The following GPC6 variants were observed in gnomAD, a reference collection of about 807,000 sequenced individuals.
GPC6 encodes glypican 6.
In GPC6, 14 loss-of-function variants were observed where a neutral mutation model predicts 55.2. That is an observed-to-expected ratio of 0.25 (90% confidence interval 0.17 to 0.40). The LOEUF (loss-of-function observed/expected upper bound fraction) is 0.40, where lower values mean the gene tolerates loss of function less well. Among genes scored for constraint, GPC6 ranks in the 10% least tolerant of loss-of-function variants. GPC6 has a pLI of 1.00. For missense variants in GPC6, 641 were observed against 708.5 expected (o/e 0.90, Z 1.08); for synonymous variants, 278 against 259.6 (o/e 1.07, Z -0.68).
chr13:94,341,647 A>G (rs1469272738), intron 6 of GPC6, among the ~76,000 whole-genome samples: 2 of 152,134 alleles, frequency 1.3e-5, no homozygotes, highest in East Asian at 1.9e-4. Context: ...TGAACCTTAA[A>G]TTTTTATTGG....
intron 2 of GPC6, among the ~76,000 whole-genome samples, chr13:93,546,967 A>G (rs1240857879): frequency 8.1e-6 from 1 of 124,210 alleles, no homozygotes; most frequent in African/African-American, 2.5e-5. Flanking sequence ...ATATTCTTTA[A>G]CAAAAAAATA....
chr13:94,313,142 C>T (rs1040609515), intron 6 of GPC6, among the ~76,000 whole-genome samples: 2 of 152,172 alleles, frequency 1.3e-5, no homozygotes, highest in African/African-American at 4.8e-5. Context: ...TGCTCTTCTC[C>T]GGGCAACATC....
chr13:93,370,901 G>A (rs72639050), intron 1 of GPC6, among the ~76,000 whole-genome samples: 6,161 of 152,186 alleles, frequency 0.04, 170 homozygotes, highest in Non-Finnish European at 0.057. Context: ...TGTTTATATA[G>A]ACCAATGACA....
intron 3 of GPC6, among the ~76,000 whole-genome samples, chr13:93,896,413 A>C (rs1008428774): frequency 1.3e-5 from 2 of 152,048 alleles, no homozygotes; most frequent in African/African-American, 4.8e-5. Flanking sequence ...TTAACCTCCA[A>C]AATTCTTTTA....
chr13:94,003,725 C>A lies in GPC6; in HGVS notation c.712-24004C>A, dbSNP rs74109188. 4.7e-3 allele frequency among the ~76,000 whole-genome samples: 718 copies of A among 152,128 alleles called. 7 individuals are homozygous for A. Among genetic ancestry groups the A allele is most frequent in the African/African-American group, 0.015 (620 of 41,528 alleles). On this transcript the variant is annotated intron_variant, in intron 3 of 8. Coordinates refer to ENST00000377047, the MANE Select transcript of GPC6 (RefSeq NM_005708.5). ...CCACTTTACTATTGATTGTATAGGT[C>A]GAGTGTGGAGTAAAAGTTCAATCAG...
chr13:93,471,731 G>C (rs1440044916), intron 1 of GPC6, among the ~76,000 whole-genome samples: 3 of 152,118 alleles, frequency 2.0e-5, no homozygotes, highest in African/African-American at 7.2e-5. Flanking sequence ...TTCAGTTACA[G>C]AGAACACGCT....
chr13:93,381,506 T>C (rs955043986), intron 1 of GPC6, among the ~76,000 whole-genome samples: 8 of 152,156 alleles, frequency 5.3e-5, no homozygotes, highest in African/African-American at 1.9e-4. Flanking sequence ...CATATTCAGG[T>C]CTCTGAAATA....
At chr13:94,238,322 G>T (rs565854591) in intron 4 of GPC6, among the ~76,000 whole-genome samples, 1 of 152,126 alleles carries the variant, frequency 6.6e-6, no homozygotes, top group South Asian at 2.1e-4. Flanking sequence ...CCCTCAGAGA[G>T]CCTATAGCTA....
intron 1 of GPC6, among the ~76,000 whole-genome samples, chr13:93,510,091 A>G (rs1473931674): frequency 6.6e-6 from 1 of 152,142 alleles, no homozygotes; most frequent in African/African-American, 2.4e-5. Flanking sequence ...CTGTCTCTCT[A>G]ATATTTTATG....
At chr13:94,002,692 G>GA (rs1280484130) in intron 3 of GPC6, among the ~76,000 whole-genome samples, 2 of 151,770 alleles carry the variant, frequency 1.3e-5, no homozygotes, top group Non-Finnish European at 2.9e-5. Context: ...TTCAGAAGGT[G>GA]AAAAAAAACT....
At position 93,830,198 on chromosome 13, in the gene GPC6, G is replaced by C; in HGVS notation, c.364G>C (p.Asp122His). The change falls in exon 3 of 9, where the codon GAT (aspartate) becomes CAT (histidine). Residue 122 changes from aspartate to histidine, a missense_variant. Transcript: ENST00000377047. ...LLENAEKSLN[D>H]MFVRTYGMLY... ...GGAGAATGCAGAAAAGTCACTAAAT[G>C]ATATGTTTGTACGGACCTATGGCAT... 1.2e-6 allele frequency: 2 copies of C among 1,607,072 alleles called. No homozygotes were observed. Among genetic ancestry groups the C allele is most frequent in the South Asian group, 2.2e-5 (2 of 90,212 alleles).
chr13:93,399,492 C>G (rs974915800), intron 1 of GPC6, among the ~76,000 whole-genome samples: 4 of 152,180 alleles, frequency 2.6e-5, no homozygotes, highest in Admixed American at 1.3e-4. Flanking sequence ...GAGGATACAA[C>G]ACAGGAATTC....
At chr13:94,076,319 T>C (rs1166204594) in intron 4 of GPC6, among the ~76,000 whole-genome samples, 1 of 152,018 alleles carries the variant, frequency 6.6e-6, no homozygotes, top group Non-Finnish European at 1.5e-5. Context: ...GTTATTTGTC[T>C]TTTTGCTATT....
chr13:94,166,987 T>G (rs557244175), intron 4 of GPC6, among the ~76,000 whole-genome samples: 66 of 152,302 alleles, frequency 4.3e-4, no homozygotes, highest in African/African-American at 1.5e-3. Flanking sequence ...AATAATAAAT[T>G]AAATAATCAT....
At chr13:94,313,501 G>A (rs1273844974) in intron 6 of GPC6, among the ~76,000 whole-genome samples, 1 of 152,196 alleles carries the variant, frequency 6.6e-6, no homozygotes, top group Non-Finnish European at 1.5e-5. Context: ...TGGCAAAGTT[G>A]TGTTTAATTG....
chr13:94,007,482 GCTGACCATGGACAGCAT>G (rs1200603305), intron 3 of GPC6, among the ~76,000 whole-genome samples: 1 of 152,154 alleles, frequency 6.6e-6, no homozygotes, highest in Non-Finnish European at 1.5e-5. Context: ...TGTTGCTGCT[GCTGACCATGGACAGCAT>G]CTGGATGGTA....
At chr13:93,607,010 ACTT>A (rs1254126844) in intron 2 of GPC6, among the ~76,000 whole-genome samples, 2 of 152,112 alleles carry the variant, frequency 1.3e-5, no homozygotes, top group African/African-American at 4.8e-5. Context: ...AATATTTTCT[ACTT>A]CTTTTTTATT....
intron 1 of GPC6, among the ~76,000 whole-genome samples, chr13:93,469,260 T>G (rs1245627545): frequency 6.6e-6 from 1 of 152,198 alleles, no homozygotes; most frequent in Admixed American, 6.5e-5. Flanking sequence ...TTCTTATATT[T>G]TTAAATAACT....
At position 94,131,117 on chromosome 13, in the gene GPC6, G is replaced by A. The variant is rs185498160; in HGVS notation, c.877+103223G>A. ...CAAAGTTATTCTGTGATGAGAAAAA[G>A]ATTTACAACATAATTAAGATTCCTA... On this transcript the variant is annotated intron_variant, in intron 4 of 8. Transcript: ENST00000377047. 3.7e-3 allele frequency among the ~76,000 whole-genome samples: 563 copies of A among 152,140 alleles called. 5 individuals are homozygous for A. The highest frequency in any genetic ancestry group is 4.9e-3 in the Non-Finnish European group (334 of 67,962).
Sources: gnomAD v4.1 joint callset for allele counts (sites outside exome capture counted in the v4.1 genomes callset) on GRCh38, gnomAD v4.1.1 for gene constraint, MANE v1.5 for transcripts, NCBI Gene and HGNC (gene_info 2026-07-23, HGNC 2026-07-21) for gene names.